The following SCYL3 variants were observed in gnomAD, a reference collection of about 807,000 sequenced individuals.
SCYL3 encodes the protein protein-associating with the carboxyl-terminal domain of ezrin.
In SCYL3, 35 loss-of-function variants were observed where a neutral mutation model predicts 73.8. The ratio of observed to expected loss-of-function variants is 0.47; its 90% CI spans 0.36 to 0.63. The LOEUF is 0.63. SCYL3 is among the 20% of genes least tolerant of loss of function. SCYL3 has a pLI of 0.00. For synonymous variants in SCYL3, 277 were observed against 295.2 expected, an observed-to-expected ratio of 0.94 and a Z score of 0.63; for missense variants, 712 against 798.9, an observed-to-expected ratio of 0.89 and a Z score of 1.31.
At chr1:169,894,046 G>T (rs1662282831), upstream of SCYL3, 1 of 152,148 alleles carries the variant, frequency 6.6e-6, no homozygotes, top group Non-Finnish European at 1.5e-5. Flanking sequence ...TGAGTCTCAG[G>T]CCGGTGCCAT....
chr1:169,867,534 T>C (rs930361089), intron 7 of SCYL3, among the ~76,000 whole-genome samples: 1 of 152,184 alleles, frequency 6.6e-6, no homozygotes, highest in African/African-American at 2.4e-5. Context: ...CCCTACTGTA[T>C]ATGAGACTGT....
chr1:169,856,169 T>A (rs1659139310), intron 11 of SCYL3, among the ~76,000 whole-genome samples: 3 of 152,198 alleles, frequency 2.0e-5, no homozygotes, highest in African/African-American at 4.8e-5. Flanking sequence ...ACAGGCTGTG[T>A]CCACTCCATG....
intron 1 of SCYL3, among the ~76,000 whole-genome samples, chr1:169,891,418 C>T (rs769263139): frequency 6.6e-6 from 1 of 152,202 alleles, no homozygotes; most frequent in Non-Finnish European, 1.5e-5. Context: ...CCTCAGGTAA[C>T]TTGAATGGGT....
rs1218203433 is a variant in SCYL3, at chr1:169,853,656, T to C, written c.*57A>G. ...TGTCCCAAAGCCTGCTTTTGAGGTA[T>C]TGATTTTTTTTAAAAAAAGGGAATC... On this transcript the variant is annotated 3_prime_UTR_variant, in exon 13 of 13. Coordinates refer to ENST00000367771, the MANE Select transcript of SCYL3 (RefSeq NM_020423.7). The C allele has an allele frequency of 1.3e-6, 2 of 1,583,106 alleles. No individual in the cohort carries two copies. The highest frequency in any genetic ancestry group is 1.7e-6 in the Non-Finnish European group (2 of 1,157,286).
At position 169,870,455 on chromosome 1, in the gene SCYL3, C is replaced by T. The variant is rs892120624; in HGVS notation, c.523-98G>A. ...TTCTCCCATGTTTGTATTTATTATACTCAAATCTATCTTCAGACCACCACA... is the reference window on the plus strand; with the variant it reads ...TTCTCCCATGTTTGTATTTATTATATTCAAATCTATCTTCAGACCACCACA... On this transcript the variant is annotated intron_variant, in intron 5 of 12. Coordinates refer to ENST00000367771, the MANE Select transcript of SCYL3 (RefSeq NM_020423.7). The T allele has an allele frequency of 6.8e-6, 5 of 732,780 alleles. No homozygotes were observed. In the African/African-American group the frequency reaches 8.9e-5, roughly 13 times the overall value. 45.4% of individuals were successfully genotyped at this position (732,780 alleles called of 1,614,324 possible). A position where few individuals can be genotyped will look rare whatever the true frequency, so the allele number is the denominator to read the frequency against.
At chr1:169,888,919 C>A in intron 1 of SCYL3, 29 bp from the exon 2 acceptor site, 1 of 1,298,668 alleles carries the variant, frequency 7.7e-7, no homozygotes. Flanking sequence ...CAATTTCAAA[C>A]ATTAAATCCC....
intron 11 of SCYL3, among the ~76,000 whole-genome samples, chr1:169,856,475 A>C (rs1659170278): frequency 6.6e-6 from 1 of 152,162 alleles, no homozygotes; most frequent in South Asian, 2.1e-4. Flanking sequence ...GTTTATACTT[A>C]AAAAAATGGG....
At chr1:169,857,855 C>T (rs573791330) in intron 11 of SCYL3, among the ~76,000 whole-genome samples, 108 of 152,252 alleles carry the variant, frequency 7.1e-4, no homozygotes, top group Middle Eastern at 6.8e-3. Flanking sequence ...TAAACTGATA[C>T]AGCATGTTAC....
intron 7 of SCYL3, 108 bp downstream of exon 7, chr1:169,868,820 C>T (rs1390857145): frequency 3.0e-6 from 2 of 672,284 alleles, no homozygotes; most frequent in Non-Finnish European, 5.3e-6. Flanking sequence ...ACAACAGAAA[C>T]TGCATCATTT....
At chr1:169,883,224 A>T (rs1026242407) in intron 2 of SCYL3, among the ~76,000 whole-genome samples, 1 of 152,170 alleles carries the variant, frequency 6.6e-6, no homozygotes, top group African/African-American at 2.4e-5. Flanking sequence ...AGTGAGACCA[A>T]GAACCCACCA....
chr1:169,851,741 A>C lies in SCYL3; in HGVS notation c.*1972T>G. 2 of 1,546,936 alleles carry C rather than the reference A, an allele frequency of 1.3e-6. No individual in the cohort carries two copies. The highest frequency in any genetic ancestry group is 1.7e-6 in the Non-Finnish European group (2 of 1,144,914). ...TAGTATGGTTGAACACTCAGCACTT[A>C]AATTATGTGGCCATTTCATATCTAG... On this transcript the variant is annotated 3_prime_UTR_variant, in exon 13 of 13. Coordinates refer to ENST00000367771, the MANE Select transcript of SCYL3 (RefSeq NM_020423.7).
chr1:169,861,406 C>G (rs767436620), intron 10 of SCYL3, among the ~76,000 whole-genome samples: 2 of 152,138 alleles, frequency 1.3e-5, no homozygotes, highest in African/African-American at 4.8e-5. Context: ...TGGGGGGATA[C>G]AAGCCCCCCA....
chr1:169,863,245 G>A (rs1659796133), intron 9 of SCYL3, among the ~76,000 whole-genome samples: 1 of 152,048 alleles, frequency 6.6e-6, no homozygotes, highest in African/African-American at 2.4e-5. Context: ...CCAAACCAAA[G>A]CAAAGTTCTT....
At position 169,882,029 on chromosome 1, in the gene SCYL3, G is replaced by A. The variant is rs7529879; in HGVS notation, c.166-3210C>T. Among the ~76,000 whole-genome samples, 378 of 152,348 alleles carry A rather than the reference G, an allele frequency of 2.5e-3. 1 individual carries two copies. Among genetic ancestry groups the A allele is most frequent in the Middle Eastern group, 0.01 (3 of 294 alleles). ...TTGACGGCACTTGAGGAGCCCTTCA[G>A]CCCACCACAGCACTGTGGGAGCCCC... On this transcript the variant is annotated intron_variant, in intron 2 of 12. Coordinates refer to ENST00000367771, the MANE Select transcript of SCYL3 (RefSeq NM_020423.7).
intron 11 of SCYL3, chr1:169,856,034 T>C (rs1659121957): frequency 2.4e-5 from 33 of 1,349,130 alleles, no homozygotes; most frequent in South Asian, 1.9e-4. Context: ...TTGGTGGGCA[T>C]AGTTAAGTGA....
At chr1:169,860,326 T>A (rs1400030762) in intron 10 of SCYL3, among the ~76,000 whole-genome samples, 1 of 152,264 alleles carries the variant, frequency 6.6e-6, no homozygotes, top group Admixed American at 6.5e-5. Flanking sequence ...GACAGTCACA[T>A]GCAGATATCA....
At position 169,852,322 on chromosome 1, in the gene SCYL3, C is replaced by A; in HGVS notation, c.*1391G>T. The A allele has an allele frequency of 3.4e-6, 1 of 296,106 alleles. No individual in the cohort carries two copies. Among genetic ancestry groups the A allele is most frequent in the African/African-American group, 2.2e-5 (1 of 44,788 alleles). The allele number at this position is 296,106 out of a possible 1,614,324, so 18.3% of individuals were successfully genotyped here. A position where few individuals can be genotyped will look rare whatever the true frequency, so the allele number is the denominator to read the frequency against. On this transcript the variant is annotated 3_prime_UTR_variant, in exon 13 of 13. Coordinates refer to ENST00000367771, the MANE Select transcript of SCYL3 (RefSeq NM_020423.7). ...ATAATTTTTGGCAGTAACTGAAGAT[C>A]ACATCTACTTATTAAAAGGCAGAAT...
In SCYL3 at chr1:169,868,925, C is replaced by T; in HGVS notation, c.737+3G>A. 1 of 1,610,452 alleles carries T rather than the reference C, an allele frequency of 6.2e-7. No individual in the cohort carries two copies. The highest frequency in any genetic ancestry group is 8.5e-7 in the Non-Finnish European group (1 of 1,176,906). ...CTGGCGTCACCACACCAGATGCCCT[C>T]ACCTGAAGAAGTCATGAGATAGTAA... On this transcript the variant is annotated splice_donor_region_variant and intron_variant, in intron 7 of 12. Transcript: ENST00000367771.
rs143916869 is a variant in SCYL3, at chr1:169,868,847, C to T, written c.737+81G>A. ...GCATCATTTGGTCCTCCAAAAACCC[C>T]CCACTGCCACTTATCCAAGGCACAA... On this transcript the variant is annotated intron_variant, in intron 7 of 12. Transcript: ENST00000367771. 75 of 936,164 alleles carry T rather than the reference C, an allele frequency of 8.0e-5. No individual in the cohort carries two copies. In the Middle Eastern group the frequency reaches 2.1e-3, roughly 26 times the overall value. 58.0% of individuals were successfully genotyped at this position (936,164 alleles called of 1,614,324 possible).
Sources: allele counts gnomAD v4.1 joint callset (sites outside exome capture counted in the v4.1 genomes callset), GRCh38; gene constraint gnomAD v4.1.1; transcripts MANE v1.5; gene names NCBI Gene and HGNC (gene_info 2026-07-23, HGNC 2026-07-21).